Variants in FBXL7 observed in about 807,000 individuals in gnomAD.
The protein encoded by FBXL7 is F-box/LRR-repeat protein 7.
In FBXL7, 12 loss-of-function variants were observed where a neutral mutation model predicts 38.3. That is an observed-to-expected ratio of 0.31 (90% confidence interval 0.20 to 0.51). FBXL7 has a LOEUF of 0.51. FBXL7 is among the 20% of genes least tolerant of loss of function. FBXL7 has a pLI of 0.98. For synonymous variants in FBXL7, 297 were observed against 300.9 expected (o/e 0.99, Z 0.13); for missense variants, 567 against 676.4 (o/e 0.84, Z 1.79).
At chr5:15,833,789 TC>T (rs1290340219) in intron 2 of FBXL7, among the ~76,000 whole-genome samples, 1 of 152,198 alleles carries the variant, frequency 6.6e-6, no homozygotes, top group Admixed American at 6.5e-5. Flanking sequence ...TCCATCACTT[TC>T]CCTTTCTTGC....
At chr5:15,923,774 A>G (rs1741808657) in intron 2 of FBXL7, among the ~76,000 whole-genome samples, 1 of 152,168 alleles carries the variant, frequency 6.6e-6, no homozygotes, top group Admixed American at 6.5e-5. Context: ...GTCTTCTGGT[A>G]AAAGAGACAT....
chr5:15,705,710 A>G (rs1184268904), intron 2 of FBXL7, among the ~76,000 whole-genome samples: 1 of 152,212 alleles, frequency 6.6e-6, no homozygotes, highest in Non-Finnish European at 1.5e-5. Flanking sequence ...GATGGATTGA[A>G]TGGATCTTTG....
chr5:15,591,844 A>G (rs554041430), intron 1 of FBXL7, among the ~76,000 whole-genome samples: 18 of 152,154 alleles, frequency 1.2e-4, no homozygotes, highest in Non-Finnish European at 2.2e-4. Flanking sequence ...CTGAGTAGCT[A>G]GGACTACAGG....
chr5:15,762,842 T>C (rs920435786), intron 2 of FBXL7, among the ~76,000 whole-genome samples: 1 of 152,242 alleles, frequency 6.6e-6, no homozygotes, highest in Non-Finnish European at 1.5e-5. Flanking sequence ...AAACAGTTTA[T>C]GCTAATTGAA....
intron 1 of FBXL7, among the ~76,000 whole-genome samples, chr5:15,506,788 C>G (rs1736660079): frequency 6.6e-6 from 1 of 151,764 alleles, no homozygotes. Context: ...CCCTTGTAAC[C>G]TAATTACCTC....
chr5:15,585,279 A>G (rs1389557898), intron 1 of FBXL7, among the ~76,000 whole-genome samples: 2 of 152,236 alleles, frequency 1.3e-5, no homozygotes, highest in Admixed American at 1.3e-4. Flanking sequence ...ATTGTAATGC[A>G]TGGTTACTCA....
intron 2 of FBXL7, among the ~76,000 whole-genome samples, chr5:15,779,019 C>T (rs923320675): frequency 3.9e-5 from 6 of 152,064 alleles, no homozygotes; most frequent in Admixed American, 6.6e-5. Flanking sequence ...TGAATAAAAA[C>T]CTTATTTACT....
At chr5:15,636,281 C>T (rs1422227101) in intron 2 of FBXL7, among the ~76,000 whole-genome samples, 3 of 152,138 alleles carry the variant, frequency 2.0e-5, no homozygotes, top group Non-Finnish European at 4.4e-5. Flanking sequence ...CTCAACTCTC[C>T]TCATCTACAG....
chr5:15,656,970 T>C (rs1411540774), intron 2 of FBXL7, among the ~76,000 whole-genome samples: 1 of 152,022 alleles, frequency 6.6e-6, no homozygotes, highest in African/African-American at 2.4e-5. Flanking sequence ...ATGAGAAAGA[T>C]CTCATTCATA....
chr5:15,707,487 T>A (rs1324981231), intron 2 of FBXL7, among the ~76,000 whole-genome samples: 1 of 152,138 alleles, frequency 6.6e-6, no homozygotes, highest in Non-Finnish European at 1.5e-5. Context: ...CCAGGGCTTT[T>A]GTGATTTGGC....
chr5:15,767,799 T>A (rs993548665), intron 2 of FBXL7, among the ~76,000 whole-genome samples: 2 of 152,214 alleles, frequency 1.3e-5, no homozygotes, highest in Non-Finnish European at 2.9e-5. Context: ...ACAAATGCCC[T>A]TGGCAAAGCA....
chr5:15,669,348 A>G (rs1341488789), intron 2 of FBXL7, among the ~76,000 whole-genome samples: 1 of 152,202 alleles, frequency 6.6e-6, no homozygotes. Flanking sequence ...TGCGCTTCTC[A>G]GACTCTTACT....
intron 2 of FBXL7, among the ~76,000 whole-genome samples, chr5:15,710,848 C>T (rs1001948843): frequency 6.6e-6 from 1 of 152,128 alleles, no homozygotes; most frequent in Non-Finnish European, 1.5e-5. Flanking sequence ...GCTTCTCTCT[C>T]TCTAAAACCT....
At chr5:15,788,854 ATTTT>A (rs796860907) in intron 2 of FBXL7, among the ~76,000 whole-genome samples, 8 of 132,436 alleles carry the variant, frequency 6.0e-5, no homozygotes, top group African/African-American at 2.2e-4. Context: ...TAAGTTTTGT[ATTTT>A]TTTTTTTTTT....
chr5:15,838,455 A>G (rs1377944855), intron 2 of FBXL7, among the ~76,000 whole-genome samples: 1 of 151,880 alleles, frequency 6.6e-6, no homozygotes, highest in Non-Finnish European at 1.5e-5. Context: ...CAGGCACCCC[A>G]CCTCCTAATG....
At chr5:15,501,157 T>G (rs1241178450) in intron 1 of FBXL7, among the ~76,000 whole-genome samples, 1 of 152,088 alleles carries the variant, frequency 6.6e-6, no homozygotes, top group Non-Finnish European at 1.5e-5. Context: ...GAAGTTAAGT[T>G]TCCATTCTTT....
At chr5:15,740,397 G>A (rs1457443389) in intron 2 of FBXL7, among the ~76,000 whole-genome samples, 2 of 152,102 alleles carry the variant, frequency 1.3e-5, no homozygotes, top group African/African-American at 4.8e-5. Flanking sequence ...CAGCTGAAAT[G>A]TCCATTTAAC....
intron 2 of FBXL7, among the ~76,000 whole-genome samples, chr5:15,873,620 A>C (rs184036924): frequency 6.6e-6 from 1 of 152,340 alleles, no homozygotes; most frequent in African/African-American, 2.4e-5. Flanking sequence ...AAGTACTCTC[A>C]GAGAATACCA....
At chr5:15,585,299 C>A (rs1194678010) in intron 1 of FBXL7, among the ~76,000 whole-genome samples, 1 of 152,074 alleles carries the variant, frequency 6.6e-6, no homozygotes. Context: ...ATTGTCCATG[C>A]TTGTAGGGAG....
Sources: allele counts gnomAD v4.1 joint callset (sites outside exome capture counted in the v4.1 genomes callset), GRCh38; gene constraint gnomAD v4.1.1; transcripts MANE v1.5; gene names NCBI Gene and HGNC (gene_info 2026-07-23, HGNC 2026-07-21).